MAP2K3: variants seen among roughly 807,000 people sequenced by gnomAD.
MAP2K3 encodes the protein mitogen-activated protein kinase kinase 3, also known as dual specificity mitogen-activated protein kinase kinase 3.
A neutral mutation model predicts 46.4 loss-of-function variants in MAP2K3; 30 were observed. The observed-to-expected ratio is 0.65, with a 90% confidence interval of 0.48 to 0.88. MAP2K3 has a LOEUF of 0.88. Ranked by LOEUF, MAP2K3 falls within the 40% of genes least tolerant of loss-of-function variation. The probability of loss-of-function intolerance (pLI) is 0.00; values close to 1 mark genes in which losing one functional copy is unlikely to be tolerated. For synonymous variants in MAP2K3, 189 were observed against 176.3 expected (o/e 1.07, Z -0.57); for missense variants, 380 against 464.5 (o/e 0.82, Z 1.67).
intron 1 of MAP2K3, chr17:21,288,003 C>T (rs1282878905): frequency 7.8e-7 from 1 of 1,287,740 alleles, no homozygotes; most frequent in African/African-American, 1.5e-5. Flanking sequence ...AACTCTCTGT[C>T]AGCCAACCCA....
rs1223427111 is a variant in MAP2K3, at chr17:21,314,897, T to A, written c.*667T>A. The A allele has an allele frequency of 6.5e-6, 1 of 153,054 alleles. No homozygotes were observed. The highest frequency in any genetic ancestry group is 1.5e-5 in the Non-Finnish European group (1 of 68,344). The allele number at this position is 153,054 out of a possible 1,614,324, so 9.5% of individuals were successfully genotyped here. ...TTTATCCTCTGTTGATTTTTTCTTTTGCTTTATGGGTTTGGCTTGTTTTTC... is the reference window on the plus strand; with the variant it reads ...TTTATCCTCTGTTGATTTTTTCTTTAGCTTTATGGGTTTGGCTTGTTTTTC... On this transcript the variant is annotated 3_prime_UTR_variant, in exon 12 of 12. Transcript: ENST00000342679.
At chr17:21,290,011 C>T (rs550470520) in intron 1 of MAP2K3, among the ~76,000 whole-genome samples, 55 of 152,334 alleles carry the variant, frequency 3.6e-4, no homozygotes, top group East Asian at 7.7e-4. Flanking sequence ...CACCTCCTGG[C>T]GGCTATATCG....
chr17:21,300,874 C>T lies in MAP2K3; in HGVS notation c.280C>T (p.Arg94Trp). 1.2e-6 allele frequency: 2 copies of T among 1,614,136 alleles called. No homozygotes were observed. The highest frequency in any genetic ancestry group is 1.7e-6 in the Non-Finnish European group (2 of 1,180,054). ...TCTGAATGGCAGTCCTTCCCTGCAG[C>T]GGATCCGGGCCACCGTGAACTCACA... ...AQSGTIMAVK[R>W]IRATVNSQEQ... Residue 94 changes from arginine to tryptophan, a missense_variant and splice_region_variant, in exon 5 of 12, where the codon CGG becomes TGG. Coordinates refer to ENST00000342679, the MANE Select transcript of MAP2K3 (RefSeq NM_145109.3).
intron 1 of MAP2K3, among the ~76,000 whole-genome samples, chr17:21,286,238 G>A (rs549158281): frequency 6.6e-6 from 1 of 152,380 alleles, no homozygotes; most frequent in South Asian, 2.1e-4. Context: ...TCTCGCTATT[G>A]TTTCCATTCT....
rs371169847 is a variant in MAP2K3, at chr17:21,314,185, G to A, written c.999G>A (p.Thr333=). ...TCACCTTGCACAAAACCAAGAAGAC[G>A]GACATTGCTGCCTTCGTGAAGGAGA... ...PFFTLHKTKK[T]DIAAFVKEIL... The change falls in exon 12 of 12, where the codon ACG becomes ACA. Residue 333 remains threonine (T), a synonymous_variant. Transcript: ENST00000342679. The A allele has an allele frequency of 9.9e-6, 16 of 1,614,064 alleles. No individual in the cohort carries two copies. Among genetic ancestry groups the A allele is most frequent in the East Asian group, 6.7e-5 (3 of 44,874 alleles).
At chr17:21,288,218 C>T (rs1049427993) in intron 1 of MAP2K3, 21 of 677,966 alleles carry the variant, frequency 3.1e-5, no homozygotes, top group South Asian at 6.6e-5. Context: ...CAGGTGGCAC[C>T]TAGCCCTGAG....
chr17:21,284,942 C>T lies in MAP2K3; in HGVS notation c.22C>T (p.Gln8Ter). 6.2e-7 allele frequency: 1 copy of T among 1,612,252 alleles called. No individual in the cohort carries two copies. Among genetic ancestry groups the T allele is most frequent in the Non-Finnish European group, 8.5e-7 (1 of 1,179,644 alleles). The change falls in exon 1 of 12, where the codon CAG becomes TAG. Residue 8 changes from glutamine (Q) to a stop codon, truncating the protein, a stop_gained. Transcript: ENST00000342679. LOFTEE classifies it high-confidence loss of function. The stretch of plus-strand genomic sequence containing the variant: ...CAGCATGGAGTCGCCCGCCTCGAGC[C>T]AGCCCGCCAGCATGCCCCAGTCCAA... MESPASS[Q>*]PASMPQSKGK...
chr17:21,307,845 C>CT (rs35690616), intron 9 of MAP2K3, among the ~76,000 whole-genome samples: 11,764 of 105,090 alleles, frequency 0.11, 293 homozygotes, highest in Middle Eastern at 0.16. Context: ...GCCCGGCTAT[C>CT]TTTTTTTTTT....
Position 21,290,097 on chromosome 17 carries a change from A to G in MAP2K3, c.49+5128A>G, listed in dbSNP as rs144820853. Among the ~76,000 whole-genome samples the G allele has an allele frequency of 9.8e-3, 1,490 of 152,280 alleles. 22 individuals carry two copies. The highest frequency in any genetic ancestry group is 0.033 in the African/African-American group (1,391 of 41,548). On this transcript the variant is annotated intron_variant, in intron 1 of 11. Coordinates refer to ENST00000342679, the MANE Select transcript of MAP2K3 (RefSeq NM_145109.3). The stretch of plus-strand genomic sequence containing the variant: ...TTCCAAGGCCCGTCCCAAGGTTTAC[A>G]TGTGCCAGTGTGTGCGGTGATGCGG...
At position 21,307,845 on chromosome 17, in the gene MAP2K3, CTTTTTTTT is replaced by C. The variant is rs35690616; in HGVS notation, c.774+2738_774+2745del. Among the ~76,000 whole-genome samples, 738 of 104,752 alleles carry C rather than the reference CTTTTTTTT, an allele frequency of 7.0e-3. 1 individual carries two copies. Among genetic ancestry groups the C allele is most frequent in the African/African-American group, 0.023 (629 of 27,220 alleles). The allele number at this position is 104,752 out of a possible 152,430, so 68.7% of individuals were successfully genotyped here. A position where few individuals can be genotyped will look rare whatever the true frequency, so the allele number is the denominator to read the frequency against. The stretch of plus-strand genomic sequence containing the variant: ...GGCTCGTGCCACCATGCCCGGCTAT[CTTTTTTTT>C]TTTTTTTTTTTTTTTTTTTTGAGAC... On this transcript the variant is annotated intron_variant, in intron 9 of 11. Coordinates refer to ENST00000342679, the MANE Select transcript of MAP2K3 (RefSeq NM_145109.3).
rs1326801604 is a variant in MAP2K3, at chr17:21,304,458, G to A, written c.601G>A (p.Glu201Lys). Reference sequence around the variant, plus strand: ...GCCCTCCAATGTCCTTATCAACAAGGAGGGCCATGTGAAGATGTGTGACTT... The same window carrying A: ...GCCCTCCAATGTCCTTATCAACAAGAAGGGCCATGTGAAGATGTGTGACTT... ...VKPSNVLINK[E>K]GHVKMCDFGI... The change falls in exon 8 of 12, where the codon GAG becomes AAG. Residue 201 changes from glutamate (E) to lysine (K), a missense_variant. This residue lies in a region of MAP2K3 where 294 missense variants were observed against 275.4 expected (regional missense o/e 1.07). Transcript: ENST00000342679. 3.1e-6 allele frequency: 5 copies of A among 1,614,204 alleles called. No individual in the cohort carries two copies. Among genetic ancestry groups the A allele is most frequent in the Middle Eastern group, 1.6e-4 (1 of 6,084 alleles).
intron 7 of MAP2K3, among the ~76,000 whole-genome samples, chr17:21,303,678 T>C (rs964405969): frequency 1.6e-4 from 25 of 152,298 alleles, no homozygotes; most frequent in African/African-American, 6.0e-4. Context: ...GTTTCGCCCT[T>C]TCTGGAACAT....
At chr17:21,291,220 G>C (rs1241502540) in intron 1 of MAP2K3, among the ~76,000 whole-genome samples, 1 of 151,620 alleles carries the variant, frequency 6.6e-6, no homozygotes, top group African/African-American at 2.4e-5. Context: ...CTCCAGCCTG[G>C]GCAATAGAGA....
chr17:21,295,602 C>T, intron 1 of MAP2K3: 1 of 1,283,684 alleles, frequency 7.8e-7, no homozygotes, highest in Non-Finnish European at 1.0e-6. Context: ...GCCTCACCCA[C>T]TCCCTCTGAC....
chr17:21,285,177 T>G, intron 1 of MAP2K3: 2 of 934,638 alleles, frequency 2.1e-6, no homozygotes, highest in Non-Finnish European at 2.6e-6. Flanking sequence ...GGGACTGCAC[T>G]CAGGCCCGAG....
Position 21,300,523 on chromosome 17 carries a change from ACT to A in MAP2K3, c.166-17_166-16del, listed in dbSNP as rs1456077153. On this transcript the variant is annotated intron_variant, in intron 3 of 11. Transcript: ENST00000342679. ...CTGGCTTCCAGCTTGCTGGCCACTGACTCTCTTTTCCATCCTTCAAGAACTTT... is the reference window on the plus strand; with the variant it reads ...CTGGCTTCCAGCTTGCTGGCCACTGACTCTTTTCCATCCTTCAAGAACTTT... 3 of 1,592,918 alleles carry A rather than the reference ACT, an allele frequency of 1.9e-6. No individual in the cohort carries two copies. The highest frequency in any genetic ancestry group is 2.6e-6 in the Non-Finnish European group (3 of 1,169,550).
intron 6 of MAP2K3, among the ~76,000 whole-genome samples, chr17:21,302,916 G>A (rs527427735): frequency 8.4e-3 from 1,270 of 151,680 alleles, no homozygotes; most frequent in African/African-American, 0.029. Flanking sequence ...CCCAAGAAGA[G>A]TGTGGCAGGC....
At chr17:21,288,721 A>T (rs935147160) in intron 1 of MAP2K3, among the ~76,000 whole-genome samples, 2 of 152,198 alleles carry the variant, frequency 1.3e-5, no homozygotes, top group African/African-American at 4.8e-5. Flanking sequence ...GCTTGTCTGG[A>T]TGTAGACAGT....
At chr17:21,300,338 C>G (rs1300348365) in intron 3 of MAP2K3, 1 of 611,362 alleles carries the variant, frequency 1.6e-6, no homozygotes, top group Non-Finnish European at 2.9e-6. Context: ...GGTGTTGGCA[C>G]TGTGCCTGTT....
Sources: gnomAD v4.1 joint callset for allele counts (sites outside exome capture counted in the v4.1 genomes callset) on GRCh38, gnomAD v4.1.1 for gene constraint, gnomAD v4.1.1 regional missense constraint, MANE v1.5 for transcripts, NCBI Gene and HGNC (gene_info 2026-07-23, HGNC 2026-07-21) for gene names.